The following PCCA variants were observed in gnomAD, a reference collection of about 807,000 sequenced individuals.
PCCA encodes the protein propionyl-CoA carboxylase subunit alpha.
Under a neutral mutation model 101.3 loss-of-function variants are expected in PCCA, and 74 were observed. That is an observed-to-expected ratio of 0.73 (90% confidence interval 0.61 to 0.89). The LOEUF (loss-of-function observed/expected upper bound fraction) is 0.89, where lower values mean the gene tolerates loss of function less well. Among genes scored for constraint, PCCA ranks in the 40% least tolerant of loss-of-function variants. The probability of loss-of-function intolerance (pLI) is 0.00; values close to 1 mark genes in which losing one functional copy is unlikely to be tolerated. For missense variants in PCCA, 891 were observed against 907.0 expected, an observed-to-expected ratio of 0.98 and a Z score of 0.23; for synonymous variants, 294 against 313.6, an observed-to-expected ratio of 0.94 and a Z score of 0.66.
At chr13:100,354,817 G>C (rs1000298182) in intron 18 of PCCA, among the ~76,000 whole-genome samples, 1 of 152,154 alleles carries the variant, frequency 6.6e-6, no homozygotes, top group Non-Finnish European at 1.5e-5. Flanking sequence ...AATCCGAATA[G>C]ACTTATCATA....
intron 21 of PCCA, among the ~76,000 whole-genome samples, chr13:100,452,982 T>C (rs940048404): frequency 6.6e-6 from 1 of 152,000 alleles, no homozygotes; most frequent in African/African-American, 2.4e-5. Flanking sequence ...GGTAGGAGGA[T>C]CACTTGAGCC....
At position 100,501,027 on chromosome 13, in the gene PCCA, A is replaced by G. The variant is rs9554693; in HGVS notation, c.1900-14400A>G. ...TGTGGTGGTGGGTGCCTGTAGTCCC[A>G]GCTACTCGGGAGGCTGAGGCAGGAC... is the stretch of plus-strand genomic sequence containing the variant. On this transcript the variant is annotated intron_variant, in intron 21 of 23. Transcript: ENST00000376285. 4.4e-3 allele frequency among the ~76,000 whole-genome samples: 666 copies of G among 152,222 alleles called. 33 individuals are homozygous for G. The East Asian group carries it at 0.099, about 23-fold the overall frequency.
At chr13:100,095,723 G>T (rs978338274) in intron 1 of PCCA, among the ~76,000 whole-genome samples, 2 of 152,208 alleles carry the variant, frequency 1.3e-5, no homozygotes, top group African/African-American at 2.4e-5. Flanking sequence ...GCTGTGGTTG[G>T]AGTGAACTGA....
In PCCA at chr13:100,450,393, C is replaced by CA. The variant is rs527573616; in HGVS notation, c.1899+1101dup. Reference sequence around the variant, plus strand: ...TGTGTGACAGAGCGAGACCCCGTCTCAAAAAAAAAAAAAGTACCTTATTTT... The same window carrying CA: ...TGTGTGACAGAGCGAGACCCCGTCTCAAAAAAAAAAAAAAGTACCTTATTTT... On this transcript the variant is annotated intron_variant, in intron 21 of 23. Coordinates refer to ENST00000376285, the MANE Select transcript of PCCA (RefSeq NM_000282.4). Among the ~76,000 whole-genome samples, 748 of 133,044 alleles carry CA rather than the reference C, an allele frequency of 5.6e-3. 33 individuals are homozygous for CA. In the East Asian group the frequency reaches 0.1, roughly 18 times the overall value. The allele number at this position is 133,044 out of a possible 152,430, so 87.3% of individuals were successfully genotyped here. A position where few individuals can be genotyped will look rare whatever the true frequency, so the allele number is the denominator to read the frequency against.
At chr13:100,204,342 G>A (rs2058726292) in intron 6 of PCCA, among the ~76,000 whole-genome samples, 1 of 152,146 alleles carries the variant, frequency 6.6e-6, no homozygotes, top group African/African-American at 2.4e-5. Flanking sequence ...TTTTTGCCAT[G>A]TTGCTCAGCC....
chr13:100,458,361 T>TACACACACACAC (rs58649291), intron 21 of PCCA, among the ~76,000 whole-genome samples: 5 of 101,430 alleles, frequency 4.9e-5, no homozygotes, highest in East Asian at 6.4e-4. Flanking sequence ...ACCCCATCTC[T>TACACACACACAC]ACACACACAC....
chr13:100,160,989 T>TC (rs1334709163), intron 6 of PCCA: 6 of 152,244 alleles, frequency 3.9e-5, no homozygotes, highest in Non-Finnish European at 8.8e-5. Flanking sequence ...ACTTGAAAGA[T>TC]ACACGTATAT....
At chr13:100,221,615 G>T (rs772378217) in intron 7 of PCCA, among the ~76,000 whole-genome samples, 1 of 152,060 alleles carries the variant, frequency 6.6e-6, no homozygotes, top group Non-Finnish European at 1.5e-5. Context: ...ACTCTCAAAT[G>T]ATTGATTCTC....
chr13:100,367,462 A>C (rs1007089072), intron 18 of PCCA, among the ~76,000 whole-genome samples: 1 of 151,932 alleles, frequency 6.6e-6, no homozygotes, highest in Middle Eastern at 3.4e-3. Flanking sequence ...TGTTGAACTC[A>C]TAAGTCATTT....
At chr13:100,395,925 G>A (rs987902265) in intron 19 of PCCA, among the ~76,000 whole-genome samples, 9 of 152,254 alleles carry the variant, frequency 5.9e-5, no homozygotes, top group South Asian at 2.1e-4. Flanking sequence ...AAAAAGAAAC[G>A]TCAGTCTTTT....
chr13:100,163,990 C>CAT (rs1229805141), intron 6 of PCCA, among the ~76,000 whole-genome samples: 1 of 85,412 alleles, frequency 1.2e-5, no homozygotes, highest in South Asian at 3.0e-4. Context: ...ATTTTGCGAT[C>CAT]ATATAGTCCA....
At chr13:100,452,227 TC>T (rs1163298211) in intron 21 of PCCA, among the ~76,000 whole-genome samples, 1 of 151,104 alleles carries the variant, frequency 6.6e-6, no homozygotes, top group Non-Finnish European at 1.5e-5. Context: ...TTTTCTCTTT[TC>T]CCCATCTGTC....
At chr13:100,107,620 A>C (rs560861542) in intron 2 of PCCA, among the ~76,000 whole-genome samples, 1 of 152,212 alleles carries the variant, frequency 6.6e-6, no homozygotes, top group East Asian at 1.9e-4. Flanking sequence ...TATTTCTGAC[A>C]TGAATACCTG....
At chr13:100,498,192 T>C (rs1225965754) in intron 21 of PCCA, among the ~76,000 whole-genome samples, 1 of 149,374 alleles carries the variant, frequency 6.7e-6, no homozygotes, top group Non-Finnish European at 1.5e-5. Context: ...GTCATAGTTA[T>C]CGCCAGTTGC....
intron 22 of PCCA, among the ~76,000 whole-genome samples, chr13:100,517,417 C>T (rs910655356): frequency 2.6e-5 from 4 of 152,096 alleles, no homozygotes; most frequent in South Asian, 2.1e-4. Flanking sequence ...CAAGGCATTT[C>T]GTAAATGGGA....
At chr13:100,354,338 C>T (rs1188177203) in intron 18 of PCCA, among the ~76,000 whole-genome samples, 107 of 5,808 alleles carry the variant, frequency 0.018, 1 homozygote, top group Non-Finnish European at 0.033. Flanking sequence ...AGAGAGGGGG[C>T]GGTGGGAGGA....
intron 18 of PCCA, among the ~76,000 whole-genome samples, chr13:100,352,155 A>G (rs1301721470): frequency 6.6e-6 from 1 of 152,182 alleles, no homozygotes; most frequent in African/African-American, 2.4e-5. Flanking sequence ...GTAGATGTAA[A>G]TCCTACCTGA....
chr13:100,147,824 T>G (rs1418147769), intron 4 of PCCA, among the ~76,000 whole-genome samples: 1 of 152,238 alleles, frequency 6.6e-6, no homozygotes, highest in East Asian at 1.9e-4. Context: ...ATGTATACTT[T>G]CACTCTGGCT....
chr13:100,261,922 T>A (rs1408655705), intron 9 of PCCA, among the ~76,000 whole-genome samples: 1 of 152,118 alleles, frequency 6.6e-6, no homozygotes, highest in Non-Finnish European at 1.5e-5. Flanking sequence ...TCTCAATGAG[T>A]GTATTTGCTG....
Sources: gnomAD v4.1 joint callset for allele counts (sites outside exome capture counted in the v4.1 genomes callset) on GRCh38, gnomAD v4.1.1 for gene constraint, MANE v1.5 for transcripts, NCBI Gene and HGNC (gene_info 2026-07-23, HGNC 2026-07-21) for gene names.